Variants in TMBIM6 observed in about 807,000 individuals in gnomAD.
TMBIM6 encodes bax inhibitor 1.
TMBIM6 carries 13 observed loss-of-function variants against 31.4 expected under a neutral mutation model. The observed-to-expected ratio is 0.41, with a 90% CI of 0.27 to 0.66. TMBIM6 has a LOEUF of 0.66. TMBIM6 is among the 30% of genes least tolerant of loss of function. The probability of loss-of-function intolerance (pLI) is 0.28; values close to 1 mark genes in which losing one functional copy is unlikely to be tolerated. For missense variants in TMBIM6, 275 were observed against 289.5 expected (o/e 0.95, Z 0.36); for synonymous variants, 85 against 101.7 (o/e 0.84, Z 0.99).
intron 7 of TMBIM6, 119 bp from the exon 8 acceptor site, chr12:49,759,101 TA>T: frequency 1.2e-6 from 1 of 843,742 alleles, no homozygotes; most frequent in Non-Finnish European, 1.9e-6. Flanking sequence ...TCGTGAATGG[TA>T]ATGTTCATAG....
chr12:49,759,131 T>C lies in TMBIM6; in HGVS notation c.514-90T>C. On this transcript the variant is annotated intron_variant, in intron 7 of 9. Coordinates refer to ENST00000267115, the MANE Select transcript of TMBIM6 (RefSeq NM_003217.3). ...TTCATAGGGTTCACATTTGATGTAC[T>C]TTCAAGTGACTATGAGCCAGAAAGT... 4.4e-6 allele frequency: 5 copies of C among 1,127,308 alleles called. No individual in the cohort carries two copies. The South Asian group carries it at 6.4e-5, about 14-fold the overall frequency. The allele number at this position is 1,127,308 out of a possible 1,614,324, so 69.8% of individuals were successfully genotyped here.
chr12:49,747,251 A>G (rs1472738772), intron 1 of TMBIM6, among the ~76,000 whole-genome samples: 1 of 152,208 alleles, frequency 6.6e-6, no homozygotes, highest in Non-Finnish European at 1.5e-5. Context: ...GGAAGAAAGA[A>G]CCATGTAATT....
At position 49,764,888 on chromosome 12, in the gene TMBIM6, C is replaced by G. The variant is rs1029383746; in HGVS notation, c.*1992C>G. On this transcript the variant is annotated 3_prime_UTR_variant, in exon 10 of 10. Coordinates refer to ENST00000267115, the MANE Select transcript of TMBIM6 (RefSeq NM_003217.3). ...TTTTTGATTCAGAAATATATGAAAT[C>G]TGCATAGTCTTAATTTGTAAAAAAT... 2 of 152,142 alleles carry G rather than the reference C, an allele frequency of 1.3e-5. No individual in the cohort carries two copies. The highest frequency in any genetic ancestry group is 4.8e-5 in the African/African-American group (2 of 41,434). The allele number at this position is 152,142 out of a possible 1,614,324, so 9.4% of individuals were successfully genotyped here.
chr12:49,759,173 T>TC (rs762418108), intron 7 of TMBIM6, 48 bp from the exon 8 acceptor site: 1 of 1,526,168 alleles, frequency 6.6e-7, no homozygotes, highest in Non-Finnish European at 9.1e-7. Context: ...GGTTTTTTTT[T>TC]CTCTGCAACT....
Position 49,759,207 on chromosome 12 carries a change from C to G in TMBIM6, c.514-14C>G. The G allele has an allele frequency of 1.2e-6, 2 of 1,611,792 alleles. No individual in the cohort carries two copies. Among genetic ancestry groups the G allele is most frequent in the Non-Finnish European group, 1.7e-6 (2 of 1,177,970 alleles). The stretch of plus-strand genomic sequence containing the variant: ...CTTCTGCTGTATAGTAACTTCATCT[C>G]TTACATTTGTTAGGCAAACCTGTAT... On this transcript the variant is annotated splice_polypyrimidine_tract_variant and intron_variant, in intron 7 of 9. Coordinates refer to ENST00000267115, the MANE Select transcript of TMBIM6 (RefSeq NM_003217.3).
chr12:49,752,186 A>T (rs980267312), intron 1 of TMBIM6, among the ~76,000 whole-genome samples: 1 of 152,242 alleles, frequency 6.6e-6, no homozygotes, highest in Non-Finnish European at 1.5e-5. Flanking sequence ...TGCCTTTTAA[A>T]GTGGCAAATC....
At chr12:49,758,146 A>G (rs1312287796) in intron 4 of TMBIM6, 81 bp from the exon 5 acceptor site, 8 of 1,492,068 alleles carry the variant, frequency 5.4e-6, no homozygotes, top group South Asian at 3.4e-5. Context: ...GAGTATGCCT[A>G]TATTTCGGGA....
chr12:49,760,469 C>T (rs1174682808), intron 8 of TMBIM6, among the ~76,000 whole-genome samples: 1 of 151,138 alleles, frequency 6.6e-6, no homozygotes, highest in Non-Finnish European at 1.5e-5. Context: ...TGGTCTCAAG[C>T]AGTCCTCTTG....
intron 8 of TMBIM6, among the ~76,000 whole-genome samples, chr12:49,759,894 C>T (rs112238949): frequency 0.066 from 9,899 of 150,990 alleles, 509 homozygotes; most frequent in African/African-American, 0.14. Context: ...AGGCGGATCA[C>T]GAGGTCAGGA....
intron 8 of TMBIM6, among the ~76,000 whole-genome samples, chr12:49,760,533 C>CTTTTTTTTTTTTTTTTT (rs35862867): frequency 1.1e-5 from 1 of 93,526 alleles, no homozygotes; most frequent in Non-Finnish European, 2.1e-5. Flanking sequence ...TGCCCAGCCA[C>CTTTTTTTTTTTTTTTTT]TTTTTTTTTT....
At chr12:49,761,187 T>G (rs1273683896) in intron 8 of TMBIM6, among the ~76,000 whole-genome samples, 8 of 151,654 alleles carry the variant, frequency 5.3e-5, no homozygotes, top group Admixed American at 5.3e-4. Context: ...TTAGTGGTAG[T>G]TAAGGGTTCA....
chr12:49,748,869 A>G (rs1945443060), intron 1 of TMBIM6, among the ~76,000 whole-genome samples: 1 of 152,132 alleles, frequency 6.6e-6, no homozygotes, highest in Non-Finnish European at 1.5e-5. Context: ...TATTGTGGTA[A>G]ACTATAACAT....
In TMBIM6 at chr12:49,751,603, A is replaced by G. The variant is rs185255743; in HGVS notation, c.-30-861A>G. 3.5e-3 allele frequency among the ~76,000 whole-genome samples: 529 copies of G among 152,072 alleles called. 2 individuals are homozygous for G. The highest frequency in any genetic ancestry group is 4.8e-3 in the Non-Finnish European group (329 of 67,978). On this transcript the variant is annotated intron_variant, in intron 1 of 9. Coordinates refer to ENST00000267115, the MANE Select transcript of TMBIM6 (RefSeq NM_003217.3). ...TTTTTTAAAATTGTGAGTCCTTTTC[A>G]GTTCAGTTCTTAAATGTGTTAGGTT...
chr12:49,760,753 C>T (rs1026483220), intron 8 of TMBIM6, among the ~76,000 whole-genome samples: 1 of 151,524 alleles, frequency 6.6e-6, no homozygotes, highest in African/African-American at 2.4e-5. Context: ...CCCGTGAGGA[C>T]ATGGTGTCGA....
chr12:49,752,929 G>A (rs1474090028), intron 2 of TMBIM6, 44 bp from the exon 3 acceptor site: 1 of 1,537,464 alleles, frequency 6.5e-7, no homozygotes, highest in African/African-American at 1.4e-5. Flanking sequence ...TTAAATATGA[G>A]ATTGATCTGG....
In TMBIM6 at chr12:49,753,085, A is replaced by C; in HGVS notation, c.165+4A>C. 6.2e-7 allele frequency: 1 copy of C among 1,611,580 alleles called. No individual in the cohort carries two copies. Among genetic ancestry groups the C allele is most frequent in the Non-Finnish European group, 8.5e-7 (1 of 1,178,904 alleles). ...TATGGTCACTCATTTCATTCAGGTAAGAACGATTTTCTCTCCTGGTTGCTG... is the reference window on the plus strand; with the variant it reads ...TATGGTCACTCATTTCATTCAGGTACGAACGATTTTCTCTCCTGGTTGCTG... On this transcript the variant is annotated splice_donor_region_variant and intron_variant, in intron 3 of 9. Coordinates refer to ENST00000267115, the MANE Select transcript of TMBIM6 (RefSeq NM_003217.3).
At chr12:49,761,873 T>C (rs1945726493) in intron 9 of TMBIM6, 94 bp downstream of exon 9, 22 of 1,225,466 alleles carry the variant, frequency 1.8e-5, no homozygotes, top group Non-Finnish European at 4.7e-6. Context: ...TCACACACTG[T>C]GTTAGGTCCA....
In TMBIM6 at chr12:49,752,408, A is replaced by G. The variant is rs1592725781; in HGVS notation, c.-30-56A>G. The G allele has an allele frequency of 1.5e-5, 18 of 1,235,688 alleles. No individual in the cohort carries two copies. The East Asian group carries it at 4.6e-4, about 32-fold the overall frequency. The allele number at this position is 1,235,688 out of a possible 1,614,324, so 76.5% of individuals were successfully genotyped here. Reference sequence around the variant, plus strand: ...CATGTTGCTTTTTTTTTTTTTTATAAGCTGTTCGTGTGATTCTGTATGACT... The same window carrying G: ...CATGTTGCTTTTTTTTTTTTTTATAGGCTGTTCGTGTGATTCTGTATGACT... On this transcript the variant is annotated intron_variant, in intron 1 of 9. Transcript: ENST00000267115.
chr12:49,746,943 T>C (rs1945406434), intron 1 of TMBIM6, among the ~76,000 whole-genome samples: 1 of 151,896 alleles, frequency 6.6e-6, no homozygotes, highest in Non-Finnish European at 1.5e-5. Flanking sequence ...TCAAACGATT[T>C]TCCTTCCCTA....
Sources: gnomAD v4.1 joint callset for allele counts (sites outside exome capture counted in the v4.1 genomes callset) on GRCh38, gnomAD v4.1.1 for gene constraint, MANE v1.5 for transcripts, NCBI Gene and HGNC (gene_info 2026-07-23, HGNC 2026-07-21) for gene names.